Variants in ZCCHC7 observed in about 807,000 individuals in gnomAD.
The protein encoded by ZCCHC7 is zinc finger CCHC-type containing 7, also known as zinc finger CCHC domain-containing protein 7.
A neutral mutation model predicts 52.0 loss-of-function variants in ZCCHC7; 35 were observed. The observed-to-expected ratio is 0.67, with a 90% CI of 0.51 to 0.89. The LOEUF (loss-of-function observed/expected upper bound fraction) is 0.89. Among genes scored for constraint, ZCCHC7 ranks in the 40% least tolerant of loss-of-function variants. The probability of loss-of-function intolerance (pLI) is 0.00; values close to 1 mark genes in which losing one functional copy is unlikely to be tolerated. For synonymous variants in ZCCHC7, 217 were observed against 221.5 expected (o/e 0.98, Z 0.18); for missense variants, 574 against 649.1 (o/e 0.88, Z 1.26).
chr9:37,279,877 G>A (rs1275686142), intron 2 of ZCCHC7, among the ~76,000 whole-genome samples: 2 of 151,292 alleles, frequency 1.3e-5, no homozygotes, highest in Admixed American at 6.6e-5. Context: ...GTTTCCCACC[G>A]GGTGCGGTGG....
intron 2 of ZCCHC7, among the ~76,000 whole-genome samples, chr9:37,160,786 T>C (rs1467001716): frequency 6.6e-6 from 1 of 151,894 alleles, no homozygotes; most frequent in East Asian, 1.9e-4. Context: ...CTCGGGAGGC[T>C]GAGGAAGGAG....
intron 2 of ZCCHC7, among the ~76,000 whole-genome samples, chr9:37,189,114 T>C (rs2381652): frequency 0.99 from 147,881 of 148,992 alleles, 73,394 homozygotes; most frequent in East Asian, 1. Context: ...GCATTTGATT[T>C]TTCTTTATAT....
intron 2 of ZCCHC7, among the ~76,000 whole-genome samples, chr9:37,275,318 C>CTTTTTTTTTTTTTTT (rs35954918): frequency 2.4e-5 from 3 of 124,028 alleles, no homozygotes; most frequent in African/African-American, 6.2e-5. Context: ...TCTAGTTTTC[C>CTTTTTTTTTTTTTTT]TTTTTTTTTT....
At chr9:37,274,944 C>A (rs1827612223) in intron 2 of ZCCHC7, among the ~76,000 whole-genome samples, 1 of 151,894 alleles carries the variant, frequency 6.6e-6, no homozygotes, top group Non-Finnish European at 1.5e-5. Flanking sequence ...TATGGTGTAT[C>A]AAGTTTATGC....
chr9:37,336,718 G>A (rs11792291), intron 6 of ZCCHC7, among the ~76,000 whole-genome samples: 1 of 150,408 alleles, frequency 6.6e-6, no homozygotes, highest in Admixed American at 6.6e-5. Flanking sequence ...ATGTATATTA[G>A]TGTGATTTCT....
At chr9:37,304,718 G>A (rs768996654) in intron 4 of ZCCHC7, among the ~76,000 whole-genome samples, 4 of 151,760 alleles carry the variant, frequency 2.6e-5, no homozygotes, top group Non-Finnish European at 5.9e-5. Flanking sequence ...TCTTTTTATA[G>A]TATGTGTGTT....
intron 5 of ZCCHC7, among the ~76,000 whole-genome samples, chr9:37,319,623 A>G (rs77534001): frequency 0.085 from 12,996 of 152,042 alleles, 757 homozygotes; most frequent in Middle Eastern, 0.16. Flanking sequence ...ATGAGGTTTC[A>G]TTTTGTTGCC....
chr9:37,133,917 T>C (rs755454772), intron 2 of ZCCHC7, among the ~76,000 whole-genome samples: 3 of 151,912 alleles, frequency 2.0e-5, no homozygotes, highest in Non-Finnish European at 4.4e-5. Flanking sequence ...AGAGTTGGGG[T>C]TTCAGCATGT....
intron 2 of ZCCHC7, among the ~76,000 whole-genome samples, chr9:37,274,568 A>T (rs1028585050): frequency 2.6e-5 from 4 of 151,502 alleles, no homozygotes; most frequent in African/African-American, 9.7e-5. Flanking sequence ...TGAACTCCTG[A>T]CCTCAAGTGA....
intron 6 of ZCCHC7, among the ~76,000 whole-genome samples, chr9:37,340,225 T>A (rs1360756029): frequency 1.3e-5 from 2 of 152,150 alleles, no homozygotes; most frequent in African/African-American, 4.8e-5. Context: ...GTGGTAGGCT[T>A]ATGCTTTATC....
chr9:37,136,494 C>G (rs1843002654), intron 2 of ZCCHC7, among the ~76,000 whole-genome samples: 1 of 151,376 alleles, frequency 6.6e-6, no homozygotes, highest in Admixed American at 6.6e-5. Flanking sequence ...CTGTCTTGCT[C>G]TCACCCAGGC....
chr9:37,293,100 A>AT (rs572503050), intron 2 of ZCCHC7, among the ~76,000 whole-genome samples: 18 of 152,334 alleles, frequency 1.2e-4, no homozygotes, highest in Admixed American at 3.9e-4. Flanking sequence ...TGGAGTTGGA[A>AT]TGGTAGGTTG....
intron 2 of ZCCHC7, among the ~76,000 whole-genome samples, chr9:37,296,884 TG>T (rs1828810482): frequency 1.2e-5 from 1 of 81,368 alleles, no homozygotes; most frequent in Non-Finnish European, 2.6e-5. Context: ...GGCTAGTTTG[TG>T]TGTGTGTGTG....
At chr9:37,186,527 TTA>T (rs1395286943) in intron 2 of ZCCHC7, among the ~76,000 whole-genome samples, 1 of 152,312 alleles carries the variant, frequency 6.6e-6, no homozygotes, top group African/African-American at 2.4e-5. Context: ...GTAATAGGAT[TTA>T]TGACATTATA....
At chr9:37,189,860 G>T (rs1422189796) in intron 2 of ZCCHC7, among the ~76,000 whole-genome samples, 2 of 152,198 alleles carry the variant, frequency 1.3e-5, no homozygotes, top group Non-Finnish European at 2.9e-5. Flanking sequence ...CTGAGTAGTT[G>T]TCTACTCCAT....
At chr9:37,216,706 A>G (rs766583970) in intron 2 of ZCCHC7, among the ~76,000 whole-genome samples, 1 of 152,166 alleles carries the variant, frequency 6.6e-6, no homozygotes, top group Non-Finnish European at 1.5e-5. Flanking sequence ...TAAAAAGTGT[A>G]TCTTATAGGG....
chr9:37,228,060 G>T (rs970008695), intron 2 of ZCCHC7, among the ~76,000 whole-genome samples: 6 of 152,306 alleles, frequency 3.9e-5, no homozygotes, highest in African/African-American at 1.2e-4. Flanking sequence ...GACTCTCAAA[G>T]TGCTGGGATT....
chr9:37,228,160 TC>T (rs1203331622), intron 2 of ZCCHC7, among the ~76,000 whole-genome samples: 1 of 152,162 alleles, frequency 6.6e-6, no homozygotes, highest in Non-Finnish European at 1.5e-5. Flanking sequence ...ATTAATCTTT[TC>T]CTATGACTAT....
chr9:37,163,422 A>T lies in ZCCHC7; in HGVS notation c.610+36480A>T, dbSNP rs773527922. ...AAAAAAAAGAAAAGAAAAAAATAGC[A>T]GTTTTCTAAAGTGTTTTTACCTTTT... On this transcript the variant is annotated intron_variant, in intron 2 of 8. Transcript: ENST00000336755. 4.0e-5 allele frequency among the ~76,000 whole-genome samples: 6 copies of T among 150,934 alleles called. No individual in the cohort carries two copies. In the South Asian group the frequency reaches 1.3e-3, roughly 32 times the overall value.
Sources: allele counts gnomAD v4.1 joint callset (sites outside exome capture counted in the v4.1 genomes callset), GRCh38; gene constraint gnomAD v4.1.1; transcripts MANE v1.5; gene names NCBI Gene and HGNC (gene_info 2026-07-23, HGNC 2026-07-21).